The following SERPINB11 variants were observed in gnomAD, a reference collection of about 807,000 sequenced individuals.
SERPINB11 encodes serpin B11.
A neutral mutation model predicts 36.7 loss-of-function variants in SERPINB11; 32 were observed. The observed-to-expected ratio is 0.87, with a 90% CI of 0.66 to 1.17. SERPINB11 has a LOEUF of 1.17. Ranked by LOEUF, SERPINB11 falls within the 50% of genes most tolerant of loss-of-function variation. The pLI, the probability that SERPINB11 is intolerant of heterozygous loss-of-function variation, is 0.00. For synonymous variants in SERPINB11, 174 were observed against 168.1 expected (o/e 1.04, Z -0.27); for missense variants, 528 against 458.4 (o/e 1.15, Z -1.39).
In SERPINB11 at chr18:63,720,705, T is replaced by G. The variant is rs1162723607; in HGVS notation, c.619-126T>G. 4 of 654,080 alleles carry G rather than the reference T, an allele frequency of 6.1e-6. No homozygotes were observed. The African/African-American group carries it at 7.4e-5, about 12-fold the overall frequency. The allele number at this position is 654,080 out of a possible 1,614,324, so 40.5% of individuals were successfully genotyped here. A position where few individuals can be genotyped will look rare whatever the true frequency, so the allele number is the denominator to read the frequency against. The stretch of plus-strand genomic sequence containing the variant: ...AAGGGAAGTAATAAGGAATCTACTT[T>G]GTAGTTTCTATTTTACCCATGCCTT... On this transcript the variant is annotated intron_variant, in intron 6 of 7. Transcript: ENST00000544088.
intron 4 of SERPINB11, 35 bp downstream of exon 4, chr18:63,712,728 T>C (rs769772699): frequency 6.3e-7 from 1 of 1,599,726 alleles, no homozygotes; most frequent in South Asian, 1.1e-5. Context: ...AACAACTTTC[T>C]TGGCGTCCTC....
Position 63,703,431 on chromosome 18 carries a change from C to T in SERPINB11, c.-16+425C>T, listed in dbSNP as rs571535347. Among the ~76,000 whole-genome samples, 6 of 152,296 alleles carry T rather than the reference C, an allele frequency of 3.9e-5. No homozygotes were observed. The East Asian group carries it at 1.2e-3, about 29-fold the overall frequency. ...GGAGACAATTTCTTTCTTTTTCTGC[C>T]TCTCAGTTTCCTCTTATAGCTTTAA... On this transcript the variant is annotated intron_variant, in intron 1 of 7. Coordinates refer to ENST00000544088, the MANE Select transcript of SERPINB11 (RefSeq NM_001370475.1).
rs73485513 is a variant in SERPINB11 at position 63,720,459 on chromosome 18, C to G, written c.618+304C>G. The stretch of plus-strand genomic sequence containing the variant: ...ACTGTGGTTATGTTCTCCAGCAGCA[C>G]ACTAAGGCTATCTGTGTTATTTTTT... On this transcript the variant is annotated intron_variant, in intron 6 of 7. Transcript: ENST00000544088. 1.3e-3 allele frequency: 473 copies of G among 353,054 alleles called. 6 individuals carry two copies. Among genetic ancestry groups the G allele is most frequent in the African/African-American group, 9.6e-3 (444 of 46,332 alleles). The allele number at this position is 353,054 out of a possible 1,614,324, so 21.9% of individuals were successfully genotyped here. A position where few individuals can be genotyped will look rare whatever the true frequency, so the allele number is the denominator to read the frequency against.
rs779799192 is a variant in SERPINB11 at position 63,720,817 on chromosome 18, T to G, written c.619-14T>G. On this transcript the variant is annotated splice_polypyrimidine_tract_variant and intron_variant, in intron 6 of 7. Transcript: ENST00000544088. ...ACATATGTAAGTATACTATAATCTTTTTCTTCTTAACAGGGTAAAAATGTA... is the reference window on the plus strand; with the variant it reads ...ACATATGTAAGTATACTATAATCTTGTTCTTCTTAACAGGGTAAAAATGTA... 6.5e-7 allele frequency: 1 copy of G among 1,536,786 alleles called. No individual in the cohort carries two copies. Among genetic ancestry groups the G allele is most frequent in the East Asian group, 2.4e-5 (1 of 40,888 alleles).
chr18:63,711,218 G>A (rs1598961488), intron 2 of SERPINB11, 117 bp from the exon 3 acceptor site: 4 of 735,408 alleles, frequency 5.4e-6, no homozygotes, highest in East Asian at 5.0e-5. Flanking sequence ...ATTATTAAAT[G>A]TTAGCTATCA....
At chr18:63,714,477 C>A (rs1036177481) in intron 4 of SERPINB11, among the ~76,000 whole-genome samples, 2 of 152,072 alleles carry the variant, frequency 1.3e-5, no homozygotes, top group African/African-American at 4.8e-5. Context: ...GGGAGTGCTA[C>A]GGGAGACCGG....
intron 2 of SERPINB11, among the ~76,000 whole-genome samples, chr18:63,710,718 C>A (rs1914500891): frequency 6.6e-6 from 1 of 152,112 alleles, no homozygotes; most frequent in Admixed American, 6.6e-5. Context: ...CTATTTTAGA[C>A]ATTACCAAGT....
At chr18:63,713,522 A>G (rs1914583654) in intron 4 of SERPINB11, among the ~76,000 whole-genome samples, 1 of 152,218 alleles carries the variant, frequency 6.6e-6, no homozygotes, top group Non-Finnish European at 1.5e-5. Flanking sequence ...AGCTGGATGA[A>G]AACATGAGTT....
chr18:63,717,172 A>G (rs1172571769), intron 5 of SERPINB11, among the ~76,000 whole-genome samples: 1 of 152,006 alleles, frequency 6.6e-6, no homozygotes, highest in East Asian at 1.9e-4. Context: ...TAGGTCAATA[A>G]TTTGTGAGAG....
At chr18:63,713,807 G>A (rs1914591405) in intron 4 of SERPINB11, among the ~76,000 whole-genome samples, 2 of 152,314 alleles carry the variant, frequency 1.3e-5, no homozygotes, top group Non-Finnish European at 1.5e-5. Context: ...GACAAATGTG[G>A]ATTTGGGATG....
chr18:63,713,529 A>C (rs912136287), intron 4 of SERPINB11, among the ~76,000 whole-genome samples: 6 of 152,176 alleles, frequency 3.9e-5, no homozygotes, highest in African/African-American at 1.4e-4. Context: ...TGAAAACATG[A>C]GTTTCTAATG....
At position 63,720,132 on chromosome 18, in the gene SERPINB11, A is replaced by G. The variant is rs570153591; in HGVS notation, c.595A>G (p.Lys199Glu). 3 of 1,607,652 alleles carry G rather than the reference A, an allele frequency of 1.9e-6. No individual in the cohort carries two copies. Among genetic ancestry groups the G allele is most frequent in the East Asian group, 2.2e-5 (1 of 44,670 alleles). Residue 199 changes from lysine (K) to glutamate (E), a missense_variant, in exon 6 of 8, where the codon AAA (lysine) becomes GAA (glutamate). Transcript: ENST00000544088. ...QNKFQVRETVKSPFQLSEGKN... is the reference protein window; with the variant it reads ...QNKFQVRETVESPFQLSEGKN... ...TAAATTTCAAGTAAGAGAGACAGTT[A>G]AAAGTCCTTTTCAGCTAAGTGAGGT... is the stretch of plus-strand genomic sequence containing the variant.
intron 1 of SERPINB11, among the ~76,000 whole-genome samples, chr18:63,709,686 C>T (rs930036634): frequency 1.4e-5 from 2 of 142,568 alleles, no homozygotes; most frequent in Admixed American, 7.3e-5. Flanking sequence ...GGAAATTTTG[C>T]GAGTGCTGTC....
intron 1 of SERPINB11, among the ~76,000 whole-genome samples, chr18:63,706,449 G>A (rs9973188): frequency 0.37 from 56,529 of 152,090 alleles, 11,366 homozygotes; most frequent in East Asian, 0.61. Flanking sequence ...ATTGGCAGGG[G>A]TATGTATTGG....
rs1160837972 is a variant in SERPINB11 at position 63,710,248 on chromosome 18, C to A, written c.55C>A (p.Leu19Met). The A allele has an allele frequency of 6.2e-7, 1 of 1,613,426 alleles. No individual in the cohort carries two copies. Among genetic ancestry groups the A allele is most frequent in the African/African-American group, 1.3e-5 (1 of 74,912 alleles). The change falls in exon 2 of 8, where the codon CTG becomes ATG. Residue 19 changes from leucine (L) to methionine (M), a missense_variant. Leu to Met is a conservative substitution (Grantham distance 15). Coordinates refer to ENST00000544088, the MANE Select transcript of SERPINB11 (RefSeq NM_001370475.1). ...VEFCLDVFKELNSNNIGDNIF... is the reference protein window; with the variant it reads ...VEFCLDVFKEMNSNNIGDNIF... ...ATTTTGCCTTGATGTGTTCAAAGAG[C>A]TGAACAGTAACAACATAGGAGATAA...
chr18:63,719,341 A>C (rs976129905), intron 5 of SERPINB11, among the ~76,000 whole-genome samples: 6 of 152,110 alleles, frequency 3.9e-5, no homozygotes, highest in African/African-American at 1.4e-4. Context: ...ATTTCAATGA[A>C]AATTAAAACC....
At chr18:63,720,449 T>C (rs1914780247) in intron 6 of SERPINB11, 1 of 371,746 alleles carries the variant, frequency 2.7e-6, no homozygotes, top group South Asian at 3.9e-5. Flanking sequence ...GGTTATGTTC[T>C]CCAGCAGCAC....
rs189563348 is a variant in SERPINB11 at position 63,721,792 on chromosome 18, A to C, written c.774+806A>C. ...ACGTACGCATTTGGATTAAGAAGTG[A>C]GACGGGTGCCAACTGAAAAGGAGCT... On this transcript the variant is annotated intron_variant, in intron 7 of 7. Transcript: ENST00000544088. Among the ~76,000 whole-genome samples the C allele has an allele frequency of 1.2e-3, 186 of 152,270 alleles. 3 individuals are homozygous for C. Among genetic ancestry groups the C allele is most frequent in the Admixed American group, 0.012 (183 of 15,298 alleles).
chr18:63,718,258 C>T (rs1484616713), intron 5 of SERPINB11, among the ~76,000 whole-genome samples: 1 of 151,922 alleles, frequency 6.6e-6, no homozygotes, highest in Non-Finnish European at 1.5e-5. Context: ...TCTAGGGTTG[C>T]CTTGCCAAAT....
Sources: gnomAD v4.1 joint callset for allele counts (sites outside exome capture counted in the v4.1 genomes callset) on GRCh38, gnomAD v4.1.1 for gene constraint, MANE v1.5 for transcripts, NCBI Gene and HGNC (gene_info 2026-07-23, HGNC 2026-07-21) for gene names.